Variants in GLB1L observed in about 807,000 individuals in gnomAD.
GLB1L encodes the protein galactosidase beta 1 like.
Under a neutral mutation model 75.7 loss-of-function variants are expected in GLB1L, and 58 were observed. The observed-to-expected ratio is 0.77, with a 90% CI of 0.62 to 0.95. GLB1L has a LOEUF of 0.95. GLB1L is among the 40% of genes least tolerant of loss of function. The pLI, the probability that GLB1L is intolerant of heterozygous loss-of-function variation, is 0.00. For missense variants in GLB1L, 797 were observed against 805.5 expected (o/e 0.99, Z 0.13); for synonymous variants, 296 against 303.0 (o/e 0.98, Z 0.24).
In GLB1L at chr2:219,238,762, C is replaced by T. The variant is rs1559264230; in HGVS notation, c.1080G>A (p.Leu360=). Residue 360 remains leucine, a synonymous_variant, in exon 12 of 17, where the codon TTG becomes TTA. Transcript: ENST00000295759. ...TGGGGCTCGGGGGAGGTAAAGGTCC[C>T]AAAGGAACTTCCTGGAACTGAGCCC... is the stretch of plus-strand genomic sequence containing the variant. ...DVISKFQEVP[L]GPLPPPSPKM... 4 of 1,613,652 alleles carry T rather than the reference C, an allele frequency of 2.5e-6. No individual in the cohort carries two copies. The South Asian group carries it at 3.3e-5, about 13-fold the overall frequency.
rs559126808 is a variant in GLB1L, at chr2:219,239,111, A to G, written c.1043T>C (p.Leu348Pro). The G allele has an allele frequency of 3.1e-6, 5 of 1,611,752 alleles. No individual in the cohort carries two copies. The African/African-American group carries it at 6.7e-5, about 21-fold the overall frequency. Residue 348 changes from leucine (L) to proline (P), a missense_variant, in exon 11 of 17, where the codon CTT becomes CCT. Transcript: ENST00000295759. ...GGGTACCTTGCTGATGACATCTCGA[A>G]GAGCAAAAAGCTTAGGTGTGGGGTC... Reference protein sequence around the residue: ...AGDPTPKLFALRDVISKFQEV... With the variant: ...AGDPTPKLFAPRDVISKFQEV...
chr2:219,241,438 G>GTATATATATATATATATATATA (rs1210794187), intron 5 of GLB1L, among the ~76,000 whole-genome samples: 1 of 85,168 alleles, frequency 1.2e-5, no homozygotes, highest in Non-Finnish European at 2.2e-5. Flanking sequence ...GTGTGTGTGT[G>GTATATATATATATATATATATA]TGTGTATATA....
In GLB1L at chr2:219,245,372, C is replaced by T. The variant is rs2125063419; in HGVS notation, c.-214G>A. The T allele has an allele frequency of 6.6e-6, 1 of 152,594 alleles. No individual in the cohort carries two copies. Among genetic ancestry groups the T allele is most frequent in the South Asian group, 2.0e-4 (1 of 4,954 alleles). 9.5% of individuals were successfully genotyped at this position (152,594 alleles called of 1,614,324 possible). On this transcript the variant is annotated 5_prime_UTR_variant, in exon 1 of 17. Coordinates refer to ENST00000295759, the MANE Select transcript of GLB1L (RefSeq NM_001286423.2). ...GGGTCCTGGGACCCGTCCACCCCTA[C>T]ACCTAGCTAGCCCGGAGCCTCTCAG...
chr2:219,237,276 G>C lies in GLB1L; in HGVS notation c.1761C>G (p.Tyr587Ter), dbSNP rs141680556. The change falls in exon 17 of 17, where the codon TAC becomes TAG. Residue 587 changes from tyrosine (Y) to a stop codon, truncating the protein, a stop_gained. Transcript: ENST00000295759. LOFTEE classifies it high-confidence loss of function. ...TAGGAAACAGCAGGAATCTTGGCAC[G>C]TAGAGGGTCTGTTGTGGCCCCTGCT... ...WTKQGPQQTL[Y>*]VPRFLLFPRG... The C allele has an allele frequency of 1.2e-6, 2 of 1,614,128 alleles. No homozygotes were observed.
Position 219,237,845 on chromosome 2 carries a change from G to C in GLB1L, c.1454C>G (p.Ser485Cys), listed in dbSNP as rs1383286401. ...VENMGRLSFG[S>C]NSSDFKGLLK... ...GCTCACCTTGAAGTCACTGCTGTTA[G>C]ACCCAAAGCTGAGCCTCCCCATGTT... Residue 485 changes from serine to cysteine, a missense_variant, in exon 15 of 17, where the codon TCT becomes TGT. Transcript: ENST00000295759. 1 of 1,614,008 alleles carries C rather than the reference G, an allele frequency of 6.2e-7. No individual in the cohort carries two copies. The highest frequency in any genetic ancestry group is 1.7e-5 in the Admixed American group (1 of 59,990).
At chr2:219,244,574 C>CCCTG (rs28372685) in intron 1 of GLB1L, among the ~76,000 whole-genome samples, 6,511 of 152,152 alleles carry the variant, frequency 0.043, 259 homozygotes, top group East Asian at 0.11. Flanking sequence ...TCCAGCTTAC[C>CCCTG]CCTGCCTGCC....
Position 219,242,906 on chromosome 2 carries a change from C to A in GLB1L, c.252G>T (p.Trp84Cys). 1 of 1,614,140 alleles carries A rather than the reference C, an allele frequency of 6.2e-7. No homozygotes were observed. The highest frequency in any genetic ancestry group is 8.5e-7 in the Non-Finnish European group (1 of 1,180,016). Residue 84 changes from tryptophan to cysteine, a missense_variant, in exon 4 of 17, where the codon TGG becomes TGT. Coordinates refer to ENST00000295759, the MANE Select transcript of GLB1L (RefSeq NM_001286423.2). ...GLNAIQFYVP[W>C]NYHEPQPGVY... ...CCCCAGGCTGTGGCTCGTGGTAGTT[C>A]CAGGGCACATAACTGAGAAAGGAAG...
chr2:219,238,462 G>A, intron 13 of GLB1L, 33 bp downstream of exon 13: 1 of 1,588,142 alleles, frequency 6.3e-7, no homozygotes, highest in Non-Finnish European at 8.6e-7. Flanking sequence ...AAGGGAGGTT[G>A]TCATCTCCAC....
chr2:219,237,378 A>G (rs1269250763), intron 16 of GLB1L, 31 bp from the exon 17 acceptor site: 1 of 1,606,642 alleles, frequency 6.2e-7, no homozygotes, highest in African/African-American at 1.3e-5. Flanking sequence ...AAGAGGGGAA[A>G]AGAAAGGGTC....
At chr2:219,242,669 G>T (rs1951419955) in intron 4 of GLB1L, 95 bp from the exon 5 acceptor site, 1 of 1,535,938 alleles carries the variant, frequency 6.5e-7, no homozygotes, top group East Asian at 2.2e-5. Context: ...GGAAGGAATT[G>T]AATATAGTGC....
chr2:219,240,250 A>C lies in GLB1L; in HGVS notation c.487T>G (p.Leu163Val), dbSNP rs764012332. ...AGCCATGGATATATCTTGGGCAGCAAGACCTTGAACCAGGAGTCCACTGCG... is the reference window on the plus strand; with the variant it reads ...AGCCATGGATATATCTTGGGCAGCACGACCTTGAACCAGGAGTCCACTGCG... ...LAAVDSWFKV[L>V]LPKIYPWLYH... Residue 163 changes from leucine to valine, a missense_variant, in exon 6 of 17, where the codon TTG (leucine) becomes GTG (valine). Coordinates refer to ENST00000295759, the MANE Select transcript of GLB1L (RefSeq NM_001286423.2). 5.0e-6 allele frequency: 8 copies of C among 1,614,118 alleles called. No individual in the cohort carries two copies. In the African/African-American group the frequency reaches 1.1e-4, roughly 22 times the overall value.
chr2:219,237,716 CT>C lies in GLB1L; in HGVS notation c.1484del (p.Lys495SerfsTer14). On this transcript the variant is annotated frameshift_variant, in exon 16 of 17. Coordinates refer to ENST00000295759, the MANE Select transcript of GLB1L (RefSeq NM_001286423.2). LOFTEE classifies it high-confidence loss of function. ...SNSSDFKGLL[K>X]PPILGQTILT... Reference sequence around the variant, plus strand: ...GGATTGTTTGCCCCAGAATTGGTGGCTTCAACAGGCCCTATAGGGAAGGAAA... The same window carrying C: ...GGATTGTTTGCCCCAGAATTGGTGGCTCAACAGGCCCTATAGGGAAGGAAA... The C allele has an allele frequency of 9.3e-6, 15 of 1,614,178 alleles. No individual in the cohort carries two copies. Among genetic ancestry groups the C allele is most frequent in the Non-Finnish European group, 1.2e-5 (14 of 1,180,020 alleles).
intron 5 of GLB1L, 54 bp downstream of exon 5, chr2:219,242,460 A>G: frequency 7.6e-7 from 1 of 1,324,090 alleles, no homozygotes; most frequent in South Asian, 1.2e-5. Context: ...TTTGGCACCC[A>G]AATAGCCCAT....
chr2:219,237,818 T>C lies in GLB1L; in HGVS notation c.1473+8A>G, dbSNP rs1268015576. ...GCCCTGGGATATAACTAGGCAAAGC[T>C]AGCTCACCTTGAAGTCACTGCTGTT... On this transcript the variant is annotated splice_region_variant and intron_variant, in intron 15 of 16. Coordinates refer to ENST00000295759, the MANE Select transcript of GLB1L (RefSeq NM_001286423.2). 1 of 1,613,942 alleles carries C rather than the reference T, an allele frequency of 6.2e-7. No individual in the cohort carries two copies. The highest frequency in any genetic ancestry group is 1.3e-5 in the African/African-American group (1 of 74,932).
intron 5 of GLB1L, among the ~76,000 whole-genome samples, 170 bp downstream of exon 5, chr2:219,242,344 G>A (rs1177394876): frequency 2.0e-5 from 3 of 151,766 alleles, no homozygotes; most frequent in Admixed American, 6.6e-5. Context: ...TACGGCACAA[G>A]GATGGGGGTC....
Position 219,237,290 on chromosome 2 carries a change from G to A in GLB1L, c.1747C>T (p.Gln583Ter). The change falls in exon 17 of 17, where the codon CAA (glutamine) becomes TAA (stop). Residue 583 changes from glutamine (Q) to a stop codon, truncating the protein, a stop_gained. Transcript: ENST00000295759. LOFTEE classifies it high-confidence loss of function. ...LGRYWTKQGP[Q>*]QTLYVPRFLL... ...AATCTTGGCACGTAGAGGGTCTGTT[G>A]TGGCCCCTGCTTTGTCCAGTACCGG... 6.2e-7 allele frequency: 1 copy of A among 1,614,132 alleles called. No homozygotes were observed. Among genetic ancestry groups the A allele is most frequent in the East Asian group, 2.2e-5 (1 of 44,892 alleles).
At position 219,242,870 on chromosome 2, in the gene GLB1L, A is replaced by G. The variant is rs767862094; in HGVS notation, c.288T>C (p.Phe96=). The G allele has an allele frequency of 1.2e-6, 2 of 1,614,226 alleles. No individual in the cohort carries two copies. The highest frequency in any genetic ancestry group is 1.7e-6 in the Non-Finnish European group (2 of 1,180,036). The change falls in exon 4 of 17, where the codon TTT becomes TTC. Residue 96 remains phenylalanine (F), a synonymous_variant. Coordinates refer to ENST00000295759, the MANE Select transcript of GLB1L (RefSeq NM_001286423.2). ...AGGCAATGAGGTCCCGGCTGCCATT[A>G]AAGTTATAGACCCCAGGCTGTGGCT... The part of the protein sequence containing the change: ...YHEPQPGVYN[F]NGSRDLIAFL...
chr2:219,240,418 T>G, intron 5 of GLB1L, 133 bp from the exon 6 acceptor site: 1 of 772,024 alleles, frequency 1.3e-6, no homozygotes, highest in Non-Finnish European at 2.2e-6. Context: ...CCAATGAAAT[T>G]TGAACATAGG....
chr2:219,244,149 CACAA>C (rs999944494), intron 1 of GLB1L, among the ~76,000 whole-genome samples: 8 of 152,226 alleles, frequency 5.3e-5, no homozygotes, highest in Admixed American at 2.0e-4. Context: ...TCTCAAAAAA[CACAA>C]ACAAACAAAC....
Sources: gnomAD v4.1 joint callset for allele counts (sites outside exome capture counted in the v4.1 genomes callset) on GRCh38, gnomAD v4.1.1 for gene constraint, MANE v1.5 for transcripts, NCBI Gene and HGNC (gene_info 2026-07-23, HGNC 2026-07-21) for gene names.